SLC27A2: variants seen among roughly 807,000 people sequenced by gnomAD.
The protein encoded by SLC27A2 is long-chain fatty acid transport protein 2.
SLC27A2 carries 54 observed loss-of-function variants against 60.0 expected under a neutral mutation model. The ratio of observed to expected loss-of-function variants is 0.90; its 90% CI spans 0.72 to 1.13. SLC27A2 has a LOEUF of 1.13. Ranked by LOEUF, SLC27A2 falls within the 50% of genes most tolerant of loss-of-function variation. The pLI is 0.00. For missense variants in SLC27A2, 739 were observed against 777.6 expected (o/e 0.95, Z 0.59); for synonymous variants, 297 against 297.6 (o/e 1.00, Z 0.02).
Position 50,182,534 on chromosome 15 carries a change from T to G in SLC27A2, c.107T>G (p.Val36Gly), listed in dbSNP as rs1264572254. 1.1e-5 allele frequency: 17 copies of G among 1,612,340 alleles called. No homozygotes were observed. Among genetic ancestry groups the G allele is most frequent in the Non-Finnish European group, 1.4e-5 (17 of 1,179,334 alleles). ...CAGGACATAGGCTACTTCTTGAAGGTGGCCGCCGTGGGCCGGAGGGTGCGC... is the reference window on the plus strand; with the variant it reads ...CAGGACATAGGCTACTTCTTGAAGGGGGCCGCCGTGGGCCGGAGGGTGCGC... ...FFQDIGYFLKVAAVGRRVRSY... is the reference protein window; with the variant it reads ...FFQDIGYFLKGAAVGRRVRSY... The change falls in exon 1 of 10, where the codon GTG becomes GGG. Residue 36 changes from valine to glycine, a missense_variant. Physicochemically the swap from Val to Gly is moderately radical, Grantham distance 109. Coordinates refer to ENST00000267842, the MANE Select transcript of SLC27A2 (RefSeq NM_003645.4).
intron 1 of SLC27A2, among the ~76,000 whole-genome samples, chr15:50,186,759 T>G (rs2140893932): frequency 6.6e-6 from 1 of 152,338 alleles, no homozygotes. Flanking sequence ...TATAGCTGTA[T>G]AAACAAAGGC....
chr15:50,218,618 C>T (rs2045219894), intron 4 of SLC27A2, among the ~76,000 whole-genome samples: 1 of 152,044 alleles, frequency 6.6e-6, no homozygotes, highest in African/African-American at 2.4e-5. Flanking sequence ...AAATTATTGC[C>T]CATCTAGAAT....
intron 1 of SLC27A2, among the ~76,000 whole-genome samples, chr15:50,195,074 T>C (rs2045002751): frequency 6.6e-6 from 1 of 151,330 alleles, no homozygotes; most frequent in African/African-American, 2.4e-5. Flanking sequence ...CAGGGTGAAA[T>C]GGAAGTAGGG....
intron 4 of SLC27A2, among the ~76,000 whole-genome samples, chr15:50,206,992 A>G (rs1441854093): frequency 1.3e-5 from 2 of 152,118 alleles, no homozygotes; most frequent in African/African-American, 2.4e-5. Context: ...TTTTTTTCAC[A>G]TTAATATTCC....
At position 50,200,834 on chromosome 15, in the gene SLC27A2, G is replaced by A. The variant is rs117999253; in HGVS notation, c.689-1653G>A. On this transcript the variant is annotated intron_variant, in intron 2 of 9. Coordinates refer to ENST00000267842, the MANE Select transcript of SLC27A2 (RefSeq NM_003645.4). ...ATGTACTAAAACTACACTGAGATAC[G>A]GTTTTTCACCTTTCAGACTGGCAAA... Among the ~76,000 whole-genome samples, 17 of 152,280 alleles carry A rather than the reference G, an allele frequency of 1.1e-4. No homozygotes were observed. The East Asian group carries it at 2.5e-3, about 22-fold the overall frequency.
chr15:50,215,409 A>G (rs1052486009), intron 4 of SLC27A2, among the ~76,000 whole-genome samples: 1 of 152,198 alleles, frequency 6.6e-6, no homozygotes, highest in Non-Finnish European at 1.5e-5. Flanking sequence ...CTACAAATTC[A>G]ATGCAATCCC....
intron 3 of SLC27A2, 144 bp from the exon 4 acceptor site, chr15:50,205,095 G>C (rs1454990414): frequency 3.6e-6 from 3 of 842,462 alleles, no homozygotes; most frequent in Non-Finnish European, 5.1e-6. Context: ...CTAATTTTTT[G>C]CATTTGAATA....
At chr15:50,200,559 T>C (rs111474932) in intron 2 of SLC27A2, among the ~76,000 whole-genome samples, 9 of 152,366 alleles carry the variant, frequency 5.9e-5, no homozygotes, top group African/African-American at 2.2e-4. Flanking sequence ...TTGCTGCTAT[T>C]TGGGCACTAT....
In SLC27A2 at chr15:50,226,076, A is replaced by C; in HGVS notation, c.1256A>C (p.Lys419Thr). The change falls in exon 6 of 10, where the codon AAA becomes ACA. Residue 419 changes from lysine to threonine, a missense_variant and splice_region_variant. By Grantham distance (78) the Lys-to-Thr change is moderately conservative. Coordinates refer to ENST00000267842, the MANE Select transcript of SLC27A2 (RefSeq NM_003645.4). ...AATGGATATTGCGTCAGAGTTCCCA[A>C]AGGTACAGTGGACTTTTGTTCAATC... Reference protein sequence around the residue: ...DENGYCVRVPKGEVGLLVCKI... With the variant: ...DENGYCVRVPTGEVGLLVCKI... 5 of 1,598,816 alleles carry C rather than the reference A, an allele frequency of 3.1e-6. 1 individual carries two copies. The highest frequency in any genetic ancestry group is 4.3e-6 in the Non-Finnish European group (5 of 1,166,102).
intron 3 of SLC27A2, among the ~76,000 whole-genome samples, chr15:50,203,758 G>A (rs1448906885): frequency 6.6e-6 from 1 of 152,050 alleles, no homozygotes; most frequent in East Asian, 1.9e-4. Flanking sequence ...TAGGGCCTTT[G>A]GGAAGTAATT....
In SLC27A2 at chr15:50,202,182, G is replaced by C. The variant is rs1487036077; in HGVS notation, c.689-305G>C. On this transcript the variant is annotated intron_variant, in intron 2 of 9. Coordinates refer to ENST00000267842, the MANE Select transcript of SLC27A2 (RefSeq NM_003645.4). ...GTGGGCCAAATACAGCCTCCCACCT[G>C]TTTTTGTAAATAAAGTTTTATTGGA... Among the ~76,000 whole-genome samples the C allele has an allele frequency of 2.0e-5, 3 of 152,136 alleles. No homozygotes were observed. The East Asian group carries it at 5.8e-4, about 29-fold the overall frequency.
At chr15:50,183,816 G>A (rs1195592649) in intron 1 of SLC27A2, among the ~76,000 whole-genome samples, 2 of 152,016 alleles carry the variant, frequency 1.3e-5, no homozygotes, top group Admixed American at 6.6e-5. Flanking sequence ...GAGCCGAGGA[G>A]CCTCAGCTTT....
Position 50,208,545 on chromosome 15 carries a change from A to G in SLC27A2, c.972+3182A>G, listed in dbSNP as rs555440649. Reference sequence around the variant, plus strand: ...CTGGAACTTAGTAAATTCTCAACACATGTTGCCATTATTATCATTATCACT... The same window carrying G: ...CTGGAACTTAGTAAATTCTCAACACGTGTTGCCATTATTATCATTATCACT... On this transcript the variant is annotated intron_variant, in intron 4 of 9. Coordinates refer to ENST00000267842, the MANE Select transcript of SLC27A2 (RefSeq NM_003645.4). Among the ~76,000 whole-genome samples, 15 of 152,304 alleles carry G rather than the reference A, an allele frequency of 9.8e-5. No individual in the cohort carries two copies. In the South Asian group the frequency reaches 1.9e-3, roughly 19 times the overall value.
At chr15:50,203,907 TCACCAGA>T (rs1443399057) in intron 3 of SLC27A2, among the ~76,000 whole-genome samples, 1 of 151,960 alleles carries the variant, frequency 6.6e-6, no homozygotes, top group African/African-American at 2.4e-5. Context: ...AAAAATGCCC[TCACCAGA>T]CACCAGACAC....
intron 1 of SLC27A2, among the ~76,000 whole-genome samples, chr15:50,184,388 A>G (rs2044901954): frequency 6.6e-6 from 1 of 152,154 alleles, no homozygotes; most frequent in Non-Finnish European, 1.5e-5. Flanking sequence ...CCTTCATTTC[A>G]TAGCTGGGGA....
rs185601901 is a variant in SLC27A2, at chr15:50,182,803, A to T, written c.376A>T (p.Lys126Ter). The change falls in exon 1 of 10, where the codon AAG becomes TAG. Residue 126 changes from lysine (K) to a stop codon, truncating the protein, a stop_gained. Transcript: ENST00000267842. LOFTEE classifies it high-confidence loss of function. ...CGTGTGGCTGTGGCTGGGGCTGGTG[A>T]AGCTGGGCTGTGCCATGGCGTGCCT... ...AYVWLWLGLV[K>*]LGCAMACLNY... is the part of the protein sequence containing the mutation. 6.4e-5 allele frequency: 103 copies of T among 1,613,642 alleles called. No homozygotes were observed. Among genetic ancestry groups the T allele is most frequent in the Non-Finnish European group, 8.6e-5 (101 of 1,179,954 alleles).
At chr15:50,223,193 C>A in intron 5 of SLC27A2, 34 bp downstream of exon 5, 1 of 1,511,204 alleles carries the variant, frequency 6.6e-7, no homozygotes. Flanking sequence ...CATACGTAGC[C>A]AGTTTTCAGA....
chr15:50,230,609 C>G (rs557828931), intron 8 of SLC27A2, among the ~76,000 whole-genome samples: 2 of 152,034 alleles, frequency 1.3e-5, no homozygotes, highest in Non-Finnish European at 2.9e-5. Flanking sequence ...GACAATGACA[C>G]GAGGGGAAAT....
chr15:50,234,030 T>C (rs749883433), intron 9 of SLC27A2, 32 bp downstream of exon 9: 4 of 1,564,088 alleles, frequency 2.6e-6, no homozygotes, highest in African/African-American at 2.7e-5. Flanking sequence ...TTCAATGATC[T>C]GTCCTCTTGG....
Sources: allele counts gnomAD v4.1 joint callset (sites outside exome capture counted in the v4.1 genomes callset), GRCh38; gene constraint gnomAD v4.1.1; transcripts MANE v1.5; gene names NCBI Gene and HGNC (gene_info 2026-07-23, HGNC 2026-07-21).